The following JAKMIP1 variants were observed in gnomAD, a reference collection of about 807,000 sequenced individuals.
The protein encoded by JAKMIP1 is janus kinase and microtubule interacting protein 1.
Under a neutral mutation model 113.0 loss-of-function variants are expected in JAKMIP1, and 33 were observed. The observed-to-expected ratio is 0.29, with a 90% CI of 0.22 to 0.39. The LOEUF is 0.39. Ranked by LOEUF, JAKMIP1 falls within the 10% of genes least tolerant of loss-of-function variation. JAKMIP1 has a pLI of 1.00. For missense variants in JAKMIP1, 813 were observed against 1,080.5 expected (o/e 0.75, Z 3.47); for synonymous variants, 480 against 459.9 (o/e 1.04, Z -0.56).
At chr4:6,026,575 G>A (rs1168665067) in intron 20 of JAKMIP1, among the ~76,000 whole-genome samples, 3 of 152,114 alleles carry the variant, frequency 2.0e-5, no homozygotes, top group Non-Finnish European at 4.4e-5. Flanking sequence ...TTTTGGTGCT[G>A]TGATGTGGCC....
chr4:6,079,124 GC>G, intron 7 of JAKMIP1, 126 bp from the exon 8 acceptor site: 1 of 879,270 alleles, frequency 1.1e-6, no homozygotes, highest in Non-Finnish European at 1.9e-6. Context: ...AGTTCTAAGT[GC>G]CCAAGTGATG....
At chr4:6,102,297 T>G (rs139195558) in intron 3 of JAKMIP1, among the ~76,000 whole-genome samples, 467 of 152,380 alleles carry the variant, frequency 3.1e-3, no homozygotes, top group Non-Finnish European at 5.2e-3. Flanking sequence ...ATGTTCTGAA[T>G]GTGTCTCACA....
rs1441413419 is a variant in JAKMIP1, at chr4:6,129,063, G to A, written c.-147-16066C>T. Among the ~76,000 whole-genome samples, 1 of 152,218 alleles carries A rather than the reference G, an allele frequency of 6.6e-6. No homozygotes were observed. The highest frequency in any genetic ancestry group is 1.5e-5 in the Non-Finnish European group (1 of 68,040). On this transcript the variant is annotated intron_variant, in intron 1 of 20. Coordinates refer to ENST00000409021, the MANE Select transcript of JAKMIP1 (RefSeq NM_001099433.2). This position sits in a 1 kb window ranked among gnomAD's most constrained non-coding sequence, Gnocchi z 5.4. The stretch of plus-strand genomic sequence containing the variant: ...CAGGCAAGGTGCCTTGCCCAGAGCA[G>A]GTGACAGTACCCCTGGGAGCCCTCT...
chr4:6,098,377 A>G (rs1195904188), intron 3 of JAKMIP1, among the ~76,000 whole-genome samples: 1 of 151,876 alleles, frequency 6.6e-6, no homozygotes, highest in Admixed American at 6.6e-5. Flanking sequence ...AGGTTGCAGT[A>G]AGCCGAGATC....
rs1223648699 is a variant in JAKMIP1 at position 6,064,802 on chromosome 4, T to C, written c.1431+78A>G. On this transcript the variant is annotated intron_variant, in intron 9 of 20. Transcript: ENST00000409021. This position sits in a 1 kb window ranked among gnomAD's most constrained non-coding sequence, Gnocchi z 4.3. ...AGAACTATAGGCAAGGGAGCGAAACTTGCAACTATCAAAAGCAGGAGGTGC... is the reference window on the plus strand; with the variant it reads ...AGAACTATAGGCAAGGGAGCGAAACCTGCAACTATCAAAAGCAGGAGGTGC... 4 of 1,592,818 alleles carry C rather than the reference T, an allele frequency of 2.5e-6. No individual in the cohort carries two copies. The highest frequency in any genetic ancestry group is 2.6e-6 in the Non-Finnish European group (3 of 1,164,680).
At position 6,068,607 on chromosome 4, in the gene JAKMIP1, G is replaced by C. The variant is rs192364970; in HGVS notation, c.1303-3599C>G. Among the ~76,000 whole-genome samples, 112 of 148,578 alleles carry C rather than the reference G, an allele frequency of 7.5e-4. 1 individual carries two copies. The highest frequency in any genetic ancestry group is 2.6e-3 in the African/African-American group (102 of 39,704). ...GAATCTCCTTCTGTCGCCCAGGCTG[G>C]AGAGCAGTAGTGCAATCTCAACTTA... On this transcript the variant is annotated intron_variant, in intron 8 of 20. Coordinates refer to ENST00000409021, the MANE Select transcript of JAKMIP1 (RefSeq NM_001099433.2).
chr4:6,147,254 A>G (rs1720967695), intron 1 of JAKMIP1, among the ~76,000 whole-genome samples: 1 of 152,082 alleles, frequency 6.6e-6, no homozygotes, highest in South Asian at 2.1e-4. Flanking sequence ...GAGCCACCGC[A>G]CCAAGCCTTA....
chr4:6,097,473 T>C lies in JAKMIP1; in HGVS notation c.624+8000A>G, dbSNP rs1712005455. Among the ~76,000 whole-genome samples, 1 of 152,212 alleles carries C rather than the reference T, an allele frequency of 6.6e-6. No homozygotes were observed. The highest frequency in any genetic ancestry group is 1.5e-5 in the Non-Finnish European group (1 of 68,030). On this transcript the variant is annotated intron_variant, in intron 3 of 20. Transcript: ENST00000409021. The surrounding 1 kb of genome is among the most constrained non-coding windows in gnomAD (Gnocchi z 4.3). ...CTGATGGGGGCTAGGGGGATCTTTT[T>C]TCCCCTTGGGTATGCTAAATACACT... is the stretch of plus-strand genomic sequence containing the variant.
chr4:6,168,046 C>T lies in JAKMIP1; in HGVS notation c.-148+32207G>A, dbSNP rs557369587. 7.9e-5 allele frequency among the ~76,000 whole-genome samples: 12 copies of T among 152,290 alleles called. No homozygotes were observed. The South Asian group carries it at 2.1e-3, about 26-fold the overall frequency. ...AAGGAGCACCTGAAGAGACGCTCAA[C>T]GTCATCAGCCCTCAGGGTAATACCA... On this transcript the variant is annotated intron_variant, in intron 1 of 20. Transcript: ENST00000409021. The surrounding 1 kb of genome is among the most constrained non-coding windows in gnomAD (Gnocchi z 4.6).
intron 1 of JAKMIP1, among the ~76,000 whole-genome samples, chr4:6,170,281 C>A (rs1156700892): frequency 6.8e-6 from 1 of 147,838 alleles, no homozygotes. Context: ...CCACCATCAC[C>A]ACCACCATCA....
chr4:6,027,181 G>T (rs1373331068), intron 20 of JAKMIP1, among the ~76,000 whole-genome samples: 1 of 152,154 alleles, frequency 6.6e-6, no homozygotes, highest in East Asian at 1.9e-4. Flanking sequence ...TTGTTCAAAA[G>T]GAGTTGCAAG....
Position 6,049,773 on chromosome 4 carries a change from G to C in JAKMIP1, c.1962+46C>G. 7.0e-7 allele frequency: 1 copy of C among 1,434,448 alleles called. No individual in the cohort carries two copies. The highest frequency in any genetic ancestry group is 1.4e-5 in the African/African-American group (1 of 71,378). The allele number at this position is 1,434,448 out of a possible 1,614,324, so 88.9% of individuals were successfully genotyped here. On this transcript the variant is annotated intron_variant, in intron 15 of 20. Transcript: ENST00000409021. The surrounding 1 kb of genome is among the most constrained non-coding windows in gnomAD (Gnocchi z 7.0). ...ACAAAAGTCACACAGAATACACCCA[G>C]ATCAAAACAAGAACACGAAAGCAGA...
At chr4:6,098,389 C>T (rs1181443606) in intron 3 of JAKMIP1, among the ~76,000 whole-genome samples, 3 of 151,314 alleles carry the variant, frequency 2.0e-5, no homozygotes, top group Non-Finnish European at 4.4e-5. Context: ...GCCGAGATCA[C>T]AGCATTGCAC....
chr4:6,172,526 A>G (rs11735749), intron 1 of JAKMIP1, among the ~76,000 whole-genome samples: 53,784 of 151,546 alleles, frequency 0.35, 9,922 homozygotes, highest in Non-Finnish European at 0.41. Context: ...GAGAGAGGAC[A>G]CGGCCCTGGC....
rs1721561971 is a variant in JAKMIP1, at chr4:6,088,172, C to T, written c.625-2543G>A. Among the ~76,000 whole-genome samples, 1 of 152,226 alleles carries T rather than the reference C, an allele frequency of 6.6e-6. No homozygotes were observed. The highest frequency in any genetic ancestry group is 1.5e-5 in the Non-Finnish European group (1 of 68,044). On this transcript the variant is annotated intron_variant, in intron 3 of 20. Coordinates refer to ENST00000409021, the MANE Select transcript of JAKMIP1 (RefSeq NM_001099433.2). The surrounding 1 kb of genome is among the most constrained non-coding windows in gnomAD (Gnocchi z 5.5). Reference sequence around the variant, plus strand: ...TAGAGAGCAAAAGAGACCAGCCGCCCTGCCCTAGGGGCTTCTATTCTGCTA... The same window carrying T: ...TAGAGAGCAAAAGAGACCAGCCGCCTTGCCCTAGGGGCTTCTATTCTGCTA...
chr4:6,109,353 T>C (rs1033572739), intron 2 of JAKMIP1, among the ~76,000 whole-genome samples: 2 of 151,940 alleles, frequency 1.3e-5, no homozygotes, highest in Non-Finnish European at 2.9e-5. Flanking sequence ...CAGGATGGTC[T>C]CGATCTCCTG....
chr4:6,106,110 C>T lies in JAKMIP1; in HGVS notation c.130-143G>A, dbSNP rs1713899227. 9.8e-6 allele frequency: 6 copies of T among 613,962 alleles called. No individual in the cohort carries two copies. Among genetic ancestry groups the T allele is most frequent in the South Asian group, 6.0e-5 (3 of 49,884 alleles). The allele number at this position is 613,962 out of a possible 1,614,324, so 38.0% of individuals were successfully genotyped here. A position where few individuals can be genotyped will look rare whatever the true frequency, so the allele number is the denominator to read the frequency against. The stretch of plus-strand genomic sequence containing the variant: ...CCCACGTTCCCATGGATTCCCCCTT[C>T]GGCAGTGCCCTGCAGGCCTGACCCT... On this transcript the variant is annotated intron_variant, in intron 2 of 20. Coordinates refer to ENST00000409021, the MANE Select transcript of JAKMIP1 (RefSeq NM_001099433.2). The surrounding 1 kb of genome is among the most constrained non-coding windows in gnomAD (Gnocchi z 5.9).
chr4:6,084,919 A>T lies in JAKMIP1; in HGVS notation c.881T>A (p.Ile294Asn). Reference sequence around the variant, plus strand: ...CCGTATCACTGAATTCAGTTCAGCAATTTTTAGTTGAAATCGCCTCACATC... The same window carrying T: ...CCGTATCACTGAATTCAGTTCAGCATTTTTTAGTTGAAATCGCCTCACATC... ...ERDVRRFQLK[I>N]AELNSVIRKL... Residue 294 changes from isoleucine to asparagine, a missense_variant, in exon 5 of 21, where the codon ATT becomes AAT. Transcript: ENST00000409021. 2.7e-6 allele frequency: 4 copies of T among 1,500,034 alleles called. No homozygotes were observed. The highest frequency in any genetic ancestry group is 3.6e-6 in the Non-Finnish European group (4 of 1,119,444). The allele number at this position is 1,500,034 out of a possible 1,614,324, so 92.9% of individuals were successfully genotyped here. A position where few individuals can be genotyped will look rare whatever the true frequency, so the allele number is the denominator to read the frequency against.
In JAKMIP1 at chr4:6,168,791, T is replaced by C. The variant is rs1273466726; in HGVS notation, c.-148+31462A>G. Among the ~76,000 whole-genome samples the C allele has an allele frequency of 3.3e-5, 5 of 151,948 alleles. No homozygotes were observed. The highest frequency in any genetic ancestry group is 5.9e-5 in the Non-Finnish European group (4 of 67,974). On this transcript the variant is annotated intron_variant, in intron 1 of 20. Coordinates refer to ENST00000409021, the MANE Select transcript of JAKMIP1 (RefSeq NM_001099433.2). The surrounding 1 kb of genome is among the most constrained non-coding windows in gnomAD (Gnocchi z 4.6). Reference sequence around the variant, plus strand: ...GGCATGCCCCTGTGGTCCCAGCTACTTGGGAGGCTGATGTGGGAGAATCAC... The same window carrying C: ...GGCATGCCCCTGTGGTCCCAGCTACCTGGGAGGCTGATGTGGGAGAATCAC...
Sources: gnomAD v4.1 joint callset for allele counts (sites outside exome capture counted in the v4.1 genomes callset) on GRCh38, gnomAD v4.1.1 for gene constraint, Gnocchi (gnomAD v3.1) non-coding constraint, MANE v1.5 for transcripts, NCBI Gene and HGNC (gene_info 2026-07-23, HGNC 2026-07-21) for gene names.